The following PKD1 variants were observed in gnomAD, a reference collection of about 807,000 sequenced individuals.
PKD1 encodes the protein polycystin 1, transient receptor potential channel interacting.
PKD1 carries 81 observed loss-of-function variants against 361.7 expected under a neutral mutation model. The observed-to-expected ratio is 0.22, with a 90% CI of 0.19 to 0.27. The LOEUF (loss-of-function observed/expected upper bound fraction) is 0.27, where lower values mean the gene tolerates loss of function less well. PKD1 is among the 10% of genes least tolerant of loss of function. PKD1 has a pLI of 1.00. For missense variants in PKD1, 6,399 were observed against 6,118.3 expected (o/e 1.05, Z -1.53); for synonymous variants, 3,615 against 2,818.3 (o/e 1.28, Z -8.95).
chr16:2,092,930 G>A (rs755299957), intron 38 of PKD1, 24 bp downstream of exon 38: 135 of 1,612,666 alleles, frequency 8.4e-5, no homozygotes, highest in Non-Finnish European at 1.1e-4. Context: ...CCAGAAGACA[G>A]ACCAGTGCAC....
In PKD1 at chr16:2,089,376, C is replaced by G. The variant is rs555453899; in HGVS notation, c.*351G>C. On this transcript the variant is annotated 3_prime_UTR_variant, in exon 46 of 46. Coordinates refer to ENST00000262304, the MANE Select transcript of PKD1 (RefSeq NM_001009944.3). ...AGGGTGGCGGCGGTGCAGGCTAACC[C>G]TCCCTGAAGCCAGCAGCCTTAGCAG... 1 of 399,426 alleles carries G rather than the reference C, an allele frequency of 2.5e-6. No individual in the cohort carries two copies. The highest frequency in any genetic ancestry group is 4.6e-6 in the Non-Finnish European group (1 of 217,782). The allele number at this position is 399,426 out of a possible 1,614,324, so 24.7% of individuals were successfully genotyped here. A position where few individuals can be genotyped will look rare whatever the true frequency, so the allele number is the denominator to read the frequency against.
rs1019301177 is a variant in PKD1, at chr16:2,118,581, C to G, written c.529+95G>C. 2.8e-5 allele frequency: 22 copies of G among 774,308 alleles called. No individual in the cohort carries two copies. Among genetic ancestry groups the G allele is most frequent in the East Asian group, 1.6e-4 (6 of 37,604 alleles). 48.0% of individuals were successfully genotyped at this position (774,308 alleles called of 1,614,324 possible). Reference sequence around the variant, plus strand: ...TGTTCCCTTGGCCCGGAGGCCCCCCCCAGAGAGGCCTTCCTGAGCCCTGCC... The same window carrying G: ...TGTTCCCTTGGCCCGGAGGCCCCCCGCAGAGAGGCCTTCCTGAGCCCTGCC... On this transcript the variant is annotated intron_variant, in intron 4 of 45. Transcript: ENST00000262304. This position sits in a 1 kb window ranked among gnomAD's most constrained non-coding sequence, Gnocchi z 6.0.
chr16:2,114,708 A>C lies in PKD1; in HGVS notation c.2315T>G (p.Leu772Arg). The C allele has an allele frequency of 3.3e-6, 5 of 1,533,944 alleles. No individual in the cohort carries two copies. The highest frequency in any genetic ancestry group is 3.5e-6 in the Non-Finnish European group (4 of 1,146,692). ...WACPACALRL[L>R]AATEQLTVLL... ...CACGGTGAGCTGTTCCGTGGCTGCA[A>C]GCAGCCGCAGGGCACAGGCAGGGCA... The change falls in exon 11 of 46, where the codon CTT (leucine) becomes CGT (arginine). Residue 772 changes from leucine to arginine, a missense_variant. Physicochemically the swap from Leu to Arg is moderately radical, Grantham distance 102 (BLOSUM62 -2). Coordinates refer to ENST00000262304, the MANE Select transcript of PKD1 (RefSeq NM_001009944.3).
Position 2,109,816 on chromosome 16 carries a change from C to T in PKD1, c.5351G>A (p.Gly1784Glu), listed in dbSNP as rs759995088. The change falls in exon 15 of 46, where the codon GGG (glycine) becomes GAG (glutamate). Residue 1784 changes from glycine (G) to glutamate (E), a missense_variant. Physicochemically the swap from Gly to Glu is moderately conservative, Grantham distance 98. Coordinates refer to ENST00000262304, the MANE Select transcript of PKD1 (RefSeq NM_001009944.3). ...GGCGTTGGCTGAGCCCAGCGGGTTC[C>T]CTGCCGTCATGGTGACCAAGTGCAG... The part of the protein sequence containing the change: ...PGLHLVTMTA[G>E]NPLGSANATV... 19 of 1,610,518 alleles carry T rather than the reference C, an allele frequency of 1.2e-5. No individual in the cohort carries two copies. Among genetic ancestry groups the T allele is most frequent in the Non-Finnish European group, 1.5e-5 (18 of 1,179,822 alleles).
At position 2,106,439 on chromosome 16, in the gene PKD1, G is replaced by A. The variant is rs759448663; in HGVS notation, c.7448C>T (p.Ala2483Val). The A allele has an allele frequency of 2.5e-4, 398 of 1,589,526 alleles. No homozygotes were observed. Among genetic ancestry groups the A allele is most frequent in the Non-Finnish European group, 3.1e-4 (368 of 1,172,626 alleles). The change falls in exon 18 of 46, where the codon GCT becomes GTT. Residue 2483 changes from alanine (A) to valine (V), a missense_variant. Physicochemically the swap from Ala to Val is moderately conservative, Grantham distance 64. Transcript: ENST00000262304. The surrounding 1 kb of genome is among the most constrained non-coding windows in gnomAD (Gnocchi z 6.5). ...GGSCRLFPLGAVHALTTKVHF... is the reference protein window; with the variant it reads ...GGSCRLFPLGVVHALTTKVHF... Reference sequence around the variant, plus strand: ...CACCTTGGTGGTGAGGGCGTGCACAGCGCCCAGTGGGAAGAGGCGGCAAGA... The same window carrying A: ...CACCTTGGTGGTGAGGGCGTGCACAACGCCCAGTGGGAAGAGGCGGCAAGA...
In PKD1 at chr16:2,097,485, G is replaced by A. The variant is rs150310430; in HGVS notation, c.10239C>T (p.Ser3413=). ...CCGGCCAACTGAGCGTTCCCTCGCC[G>A]GAGGGCCAGCACACCAGACTGCAGG... ...DDSKSLVCWP[S]GEGTLSWPDL... The change falls in exon 33 of 46, where the codon TCC becomes TCT. Residue 3413 remains serine, a synonymous_variant. Transcript: ENST00000262304. 6.3e-5 allele frequency: 101 copies of A among 1,602,192 alleles called. No homozygotes were observed. Among genetic ancestry groups the A allele is most frequent in the Admixed American group, 2.7e-4 (16 of 60,010 alleles).
chr16:2,103,591 C>T lies in PKD1; in HGVS notation c.8466G>A (p.Val2822=), dbSNP rs1364778292. 2 of 1,610,374 alleles carry T rather than the reference C, an allele frequency of 1.2e-6. No individual in the cohort carries two copies. Among genetic ancestry groups the T allele is most frequent in the South Asian group, 1.1e-5 (1 of 90,992 alleles). ...FSGALANLSD[V]VQLIFLVDSN... ...AGTCCACCAGAAAGATGAGCTGCACCACGTCACTGAGGTTGGCCAGGGCCC... is the reference window on the plus strand; with the variant it reads ...AGTCCACCAGAAAGATGAGCTGCACTACGTCACTGAGGTTGGCCAGGGCCC... The change falls in exon 23 of 46, where the codon GTG becomes GTA. Residue 2822 remains valine, a synonymous_variant. Transcript: ENST00000262304.
chr16:2,118,554 G>A lies in PKD1; in HGVS notation c.530-92C>T. ...GCCCGCCGCACTCACAGGCTCCCAT[G>A]CTGTTCCCTTGGCCCGGAGGCCCCC... On this transcript the variant is annotated intron_variant, in intron 4 of 45. Transcript: ENST00000262304. The surrounding 1 kb of genome is among the most constrained non-coding windows in gnomAD (Gnocchi z 6.0). 2 of 1,174,606 alleles carry A rather than the reference G, an allele frequency of 1.7e-6. No individual in the cohort carries two copies. The highest frequency in any genetic ancestry group is 2.5e-5 in the East Asian group (1 of 39,340). 72.8% of individuals were successfully genotyped at this position (1,174,606 alleles called of 1,614,324 possible). A position where few individuals can be genotyped will look rare whatever the true frequency, so the allele number is the denominator to read the frequency against.
Position 2,102,365 on chromosome 16 carries a change from G to C in PKD1, c.9201+16C>G. On this transcript the variant is annotated intron_variant, in intron 25 of 45. Coordinates refer to ENST00000262304, the MANE Select transcript of PKD1 (RefSeq NM_001009944.3). ...CTCGACTCTGCAGAGGCTCCCAGGA[G>C]CACAGGGTCACTCACAGGAAACACA... 1 of 1,552,686 alleles carries C rather than the reference G, an allele frequency of 6.4e-7. No individual in the cohort carries two copies. Among genetic ancestry groups the C allele is most frequent in the East Asian group, 2.4e-5 (1 of 41,418 alleles).
chr16:2,090,235 T>A, intron 45 of PKD1, 41 bp from the exon 46 acceptor site: 1 of 1,609,142 alleles, frequency 6.2e-7, no homozygotes, highest in Non-Finnish European at 8.5e-7. Flanking sequence ...GGCTGCACCC[T>A]GGGCAGAGCC....
In PKD1 at chr16:2,097,351, G is replaced by A. The variant is rs969576425; in HGVS notation, c.10373C>T (p.Pro3458Leu). The A allele has an allele frequency of 1.4e-5, 22 of 1,612,282 alleles. No individual in the cohort carries two copies. Among genetic ancestry groups the A allele is most frequent in the African/African-American group, 5.3e-5 (4 of 74,938 alleles). Residue 3458 changes from proline to leucine, a missense_variant, in exon 33 of 46, where the codon CCC (proline) becomes CTC (leucine). Transcript: ENST00000262304. ...TGAGAAGGATTTGGCAGGCGAGTAGGGGCTGGCCAGGGAGAAGCCGTCCTC... is the reference window on the plus strand; with the variant it reads ...TGAGAAGGATTTGGCAGGCGAGTAGAGGCTGGCCAGGGAGAAGCCGTCCTC... ...PEEDGFSLAS[P>L]YSPAKSFSAS...
chr16:2,096,952 G>A lies in PKD1; in HGVS notation c.10499+196C>T, dbSNP rs1198404238. 8.3e-6 allele frequency: 5 copies of A among 605,096 alleles called. No individual in the cohort carries two copies. In the South Asian group the frequency reaches 9.8e-5, roughly 12 times the overall value. 37.5% of individuals were successfully genotyped at this position (605,096 alleles called of 1,614,324 possible). On this transcript the variant is annotated intron_variant, in intron 34 of 45. Transcript: ENST00000262304. ...CCATGAGCCTGCTCCCTCCCTAGAGGGAAGGTTCTGGGGCCCTGGGGATCC... is the reference window on the plus strand; with the variant it reads ...CCATGAGCCTGCTCCCTCCCTAGAGAGAAGGTTCTGGGGCCCTGGGGATCC...
chr16:2,103,125 G>A, intron 23 of PKD1, 141 bp downstream of exon 23: 2 of 1,291,392 alleles, frequency 1.5e-6, no homozygotes, highest in Non-Finnish European at 2.2e-6. Flanking sequence ...GTGGCCCCCA[G>A]CTCCTCTCTG....
intron 1 of PKD1, among the ~76,000 whole-genome samples, chr16:2,132,873 G>A (rs1008399840): frequency 6.7e-6 from 1 of 149,976 alleles, no homozygotes; most frequent in East Asian, 2.0e-4. Context: ...TCTGAGGTCA[G>A]GAGTTCAAGA....
In PKD1 at chr16:2,118,106, C is replaced by T. The variant is rs1360733473; in HGVS notation, c.886G>A (p.Ala296Thr). 2 of 1,605,928 alleles carry T rather than the reference C, an allele frequency of 1.2e-6. No homozygotes were observed. Among genetic ancestry groups the T allele is most frequent in the Non-Finnish European group, 1.7e-6 (2 of 1,178,268 alleles). Residue 296 changes from alanine to threonine, a missense_variant, in exon 5 of 46, where the codon GCC becomes ACC. Ala to Thr is a moderately conservative substitution (Grantham distance 58). Coordinates refer to ENST00000262304, the MANE Select transcript of PKD1 (RefSeq NM_001009944.3). This position sits in a 1 kb window ranked among gnomAD's most constrained non-coding sequence, Gnocchi z 6.0. ...CGTGTGGCAGTGACAGGGAGCGGGGCAGCGATGTGGAAGGCTGCTAGCTGG... is the reference window on the plus strand; with the variant it reads ...CGTGTGGCAGTGACAGGGAGCGGGGTAGCGATGTGGAAGGCTGCTAGCTGG... ...SGQLAAFHIA[A>T]PLPVTATRWD...
chr16:2,110,388 C>G lies in PKD1; in HGVS notation c.4779G>C (p.Gly1593=), dbSNP rs138857576. 2.8e-5 allele frequency: 45 copies of G among 1,612,626 alleles called. No individual in the cohort carries two copies. The African/African-American group carries it at 6.0e-4, about 21-fold the overall frequency. The change falls in exon 15 of 46, where the codon GGG becomes GGC. Residue 1593 remains glycine, a synonymous_variant. Transcript: ENST00000262304. Reference sequence around the variant, plus strand: ...GGAAGGTGTAAGAGATGGTAGGACCCCCAGGGATGGGCGTGCAGCGGTCAC... The same window carrying G: ...GGAAGGTGTAAGAGATGGTAGGACCGCCAGGGATGGGCGTGCAGCGGTCAC... ...VLCDRCTPIP[G]GPTISYTFRS...
Position 2,100,380 on chromosome 16 carries a change from C to G in PKD1, c.9568+16G>C, listed in dbSNP as rs2092045296. The stretch of plus-strand genomic sequence containing the variant: ...GCGGGGGCAGAGGGGCAGAGCTTGG[C>G]AGGGTCCGCACAAACCTTTGTTGTC... On this transcript the variant is annotated intron_variant, in intron 27 of 45. Transcript: ENST00000262304. The surrounding 1 kb of genome is among the most constrained non-coding windows in gnomAD (Gnocchi z 4.4). The G allele has an allele frequency of 6.2e-7, 1 of 1,611,090 alleles. No homozygotes were observed. Among genetic ancestry groups the G allele is most frequent in the Non-Finnish European group, 8.5e-7 (1 of 1,179,722 alleles).
In PKD1 at chr16:2,089,053, G is replaced by C; in HGVS notation, c.*674C>G. The C allele has an allele frequency of 5.2e-6, 1 of 193,530 alleles. No individual in the cohort carries two copies. Among genetic ancestry groups the C allele is most frequent in the South Asian group, 1.0e-4 (1 of 9,652 alleles). The allele number at this position is 193,530 out of a possible 1,614,324, so 12.0% of individuals were successfully genotyped here. A position where few individuals can be genotyped will look rare whatever the true frequency, so the allele number is the denominator to read the frequency against. ...TCTTGCTACCTGGCCTGGGGCAAGG[G>C]AGGATGACAAGGCCTCTGGGGTGAT... On this transcript the variant is annotated 3_prime_UTR_variant, in exon 46 of 46. Coordinates refer to ENST00000262304, the MANE Select transcript of PKD1 (RefSeq NM_001009944.3).
intron 1 of PKD1, among the ~76,000 whole-genome samples, chr16:2,127,082 C>T (rs1346056510): frequency 6.6e-6 from 1 of 152,020 alleles, no homozygotes; most frequent in Non-Finnish European, 1.5e-5. Context: ...AGGGGGACGT[C>T]GAGGCTCAGG....
Sources: gnomAD v4.1 joint callset for allele counts (sites outside exome capture counted in the v4.1 genomes callset) on GRCh38, gnomAD v4.1.1 for gene constraint, Gnocchi (gnomAD v3.1) non-coding constraint, MANE v1.5 for transcripts, NCBI Gene and HGNC (gene_info 2026-07-23, HGNC 2026-07-21) for gene names.